Variants in BTG4 observed in about 807,000 individuals in gnomAD.
BTG4 encodes the protein protein BTG4.
A neutral mutation model predicts 19.3 loss-of-function variants in BTG4; 10 were observed. The observed-to-expected ratio is 0.52, with a 90% CI of 0.32 to 0.88. The LOEUF (loss-of-function observed/expected upper bound fraction) is 0.88. Among genes scored for constraint, BTG4 ranks in the 40% least tolerant of loss-of-function variants. The probability of loss-of-function intolerance (pLI) is 0.04; values close to 1 mark genes in which losing one functional copy is unlikely to be tolerated. For missense variants in BTG4, 238 were observed against 281.9 expected (o/e 0.84, Z 1.11); for synonymous variants, 91 against 95.7 (o/e 0.95, Z 0.29).
chr11:111,497,488 T>G (rs1248409439), intron 3 of BTG4, 79 bp from the exon 4 acceptor site: 15 of 934,434 alleles, frequency 1.6e-5, no homozygotes, highest in Non-Finnish European at 2.1e-5. Flanking sequence ...GGAGACAATA[T>G]GCTAACTTAT....
chr11:111,486,617 A>C (rs1046244725), intron 5 of BTG4, among the ~76,000 whole-genome samples: 2 of 152,192 alleles, frequency 1.3e-5, no homozygotes, highest in Non-Finnish European at 2.9e-5. Flanking sequence ...TCTCTGATGA[A>C]TATAGATGCA....
the BTG4 span, among the ~76,000 whole-genome samples, chr11:111,396,192 C>A: frequency 6.6e-6 from 1 of 152,202 alleles, no homozygotes; most frequent in African/African-American, 2.4e-5. Context: ...TGCTAAGGGG[C>A]AAATAGTTGG....
intron 1 of BTG4, among the ~76,000 whole-genome samples, chr11:111,505,664 A>G (rs1866400952): frequency 6.6e-6 from 1 of 152,128 alleles, no homozygotes; most frequent in Non-Finnish European, 1.5e-5. Flanking sequence ...GCACAGCAAA[A>G]CAAATAATCA....
the BTG4 span, chr11:111,453,260 A>G: frequency 7.2e-6 from 2 of 277,586 alleles, no homozygotes; most frequent in Non-Finnish European, 1.5e-5. Context: ...GAAAAACGAC[A>G]GAGACCTAAA....
chr11:111,459,742 C>T, the BTG4 span: 1 of 152,696 alleles, frequency 6.5e-6, no homozygotes, highest in East Asian at 1.9e-4. Flanking sequence ...GATGAGAATT[C>T]TGGCGATGCC....
downstream of BTG4, chr11:111,467,444 T>C (rs1863787589): frequency 2.1e-6 from 1 of 477,090 alleles, no homozygotes; most frequent in South Asian, 4.2e-5. Context: ...GCAATTTAAA[T>C]TAATGCCCCA....
chr11:111,492,349 T>A (rs1311625264), downstream of BTG4, among the ~76,000 whole-genome samples: 1 of 152,254 alleles, frequency 6.6e-6, no homozygotes, highest in Non-Finnish European at 1.5e-5. Context: ...TTGCATTTTT[T>A]ATCTAGCAAC....
At chr11:111,423,845 A>G in the BTG4 span, among the ~76,000 whole-genome samples, 1 of 152,230 alleles carries the variant, frequency 6.6e-6, no homozygotes, top group Admixed American at 6.5e-5. Context: ...TGAGCTGAGG[A>G]CTGTTAAGAC....
chr11:111,482,150 C>T (rs1439542716), intron 5 of BTG4, among the ~76,000 whole-genome samples: 1 of 151,872 alleles, frequency 6.6e-6, no homozygotes, highest in Non-Finnish European at 1.5e-5. Flanking sequence ...AAGGAAAACA[C>T]ACAAAAATCA....
intron 1 of BTG4, chr11:111,507,979 A>G (rs529256320): frequency 6.6e-6 from 1 of 152,298 alleles, no homozygotes; most frequent in East Asian, 1.9e-4. Flanking sequence ...CCAGAGTTCT[A>G]ACTCCACATA....
At chr11:111,462,147 T>C in the BTG4 span, 2 of 152,492 alleles carry the variant, frequency 1.3e-5, no homozygotes, top group Non-Finnish European at 2.9e-5. Context: ...GAAATCCATC[T>C]CAGAAAAGAC....
the BTG4 span, chr11:111,452,382 A>G: frequency 2.0e-5 from 3 of 152,262 alleles, no homozygotes; most frequent in Non-Finnish European, 4.4e-5. Context: ...AGTGGGACAA[A>G]GACTGAACAG....
the BTG4 span, chr11:111,396,886 TG>T: frequency 6.6e-6 from 1 of 152,242 alleles, no homozygotes; most frequent in Non-Finnish European, 1.5e-5. Context: ...TCCTCCATGG[TG>T]CCCAGGAGTG....
chr11:111,398,912 G>T, the BTG4 span, among the ~76,000 whole-genome samples: 2,202 of 152,220 alleles, frequency 0.014, 18 homozygotes, highest in Non-Finnish European at 0.022. Flanking sequence ...TAAAAGCAAT[G>T]ATTCCTGTAA....
intron 1 of BTG4, among the ~76,000 whole-genome samples, chr11:111,506,664 T>C (rs915466184): frequency 1.3e-5 from 2 of 152,024 alleles, no homozygotes; most frequent in African/African-American, 4.8e-5. Flanking sequence ...TGTAAGAAAA[T>C]GTTCCTATGT....
At chr11:111,476,084 G>C (rs1404712926) in intron 5 of BTG4, among the ~76,000 whole-genome samples, 1 of 150,948 alleles carries the variant, frequency 6.6e-6, no homozygotes, top group Non-Finnish European at 1.5e-5. Flanking sequence ...TGAGATTTGG[G>C]TGGGGACACA....
At chr11:111,418,824 A>G in the BTG4 span, among the ~76,000 whole-genome samples, 3 of 152,186 alleles carry the variant, frequency 2.0e-5, no homozygotes, top group Admixed American at 2.0e-4. Context: ...CCTCTCTGCC[A>G]CGTCTGCAGG....
At chr11:111,383,887 T>G in the BTG4 span, among the ~76,000 whole-genome samples, 1 of 152,210 alleles carries the variant, frequency 6.6e-6, no homozygotes, top group African/African-American at 2.4e-5. Flanking sequence ...TCAGATCATA[T>G]TCCATGTTTT....
chr11:111,498,969 A>G (rs1355018844), intron 1 of BTG4, among the ~76,000 whole-genome samples, 167 bp from the exon 2 acceptor site: 1 of 152,184 alleles, frequency 6.6e-6, no homozygotes, highest in Non-Finnish European at 1.5e-5. Context: ...CTATCAATCA[A>G]CATAACAGCC....
Sources: gnomAD v4.1 joint callset for allele counts (sites outside exome capture counted in the v4.1 genomes callset) on GRCh38, gnomAD v4.1.1 for gene constraint, MANE v1.5 for transcripts, NCBI Gene and HGNC (gene_info 2026-07-23, HGNC 2026-07-21) for gene names.